Variants in DDX10 observed in about 807,000 individuals in gnomAD.
DDX10 encodes the protein DEAD-box helicase 10, also known as probable ATP-dependent RNA helicase DDX10.
DDX10 carries 74 observed loss-of-function variants against 104.3 expected under a neutral mutation model. That is an observed-to-expected ratio of 0.71 (90% CI 0.59 to 0.86). The LOEUF (loss-of-function observed/expected upper bound fraction) is 0.86, where lower values mean the gene tolerates loss of function less well. Among genes scored for constraint, DDX10 ranks in the 40% least tolerant of loss-of-function variants. DDX10 has a pLI of 0.00. For missense variants in DDX10, 952 were observed against 1,040.0 expected, an observed-to-expected ratio of 0.92 and a Z score of 1.16; for synonymous variants, 351 against 353.4, an observed-to-expected ratio of 0.99 and a Z score of 0.08.
chr11:108,890,690 A>G (rs1863364528), intron 16 of DDX10, among the ~76,000 whole-genome samples: 1 of 152,116 alleles, frequency 6.6e-6, no homozygotes, highest in Non-Finnish European at 1.5e-5. Flanking sequence ...CCTGCCAGAA[A>G]TTTACTTGTT....
At position 108,873,559 on chromosome 11, in the gene DDX10, C is replaced by T. The variant is rs1488767545; in HGVS notation, c.2304+21350C>T. ...GTTCTGCCTGTCCCAAGCAAGAAAC[C>T]TTTTATCCTTCCGAGAACACCTTCT... On this transcript the variant is annotated intron_variant, in intron 16 of 17. Coordinates refer to ENST00000322536, the MANE Select transcript of DDX10 (RefSeq NM_004398.4). 2.0e-5 allele frequency among the ~76,000 whole-genome samples: 3 copies of T among 152,062 alleles called. No homozygotes were observed. The East Asian group carries it at 5.8e-4, about 29-fold the overall frequency.
chr11:108,807,772 T>C (rs1443056603), intron 13 of DDX10, among the ~76,000 whole-genome samples: 2 of 152,048 alleles, frequency 1.3e-5, no homozygotes. Context: ...GTGTAGGTAA[T>C]AGGTGAGGTC....
Position 108,918,003 on chromosome 11 carries a change from T to C in DDX10, c.2435T>C (p.Met812Thr), listed in dbSNP as rs1374891367. The change falls in exon 17 of 18, where the codon ATG (methionine) becomes ACG (threonine). Residue 812 changes from methionine (M) to threonine (T), a missense_variant. This residue lies in a region of DDX10 where 533 missense variants were observed against 534.1 expected (regional missense o/e 1.00). Transcript: ENST00000322536. ...RSSEDSDSED[M>T]ENKISDTKKK... Reference sequence around the variant, plus strand: ...TCTGAAGATTCAGATAGTGAAGATATGGAAAATAAAATAAGGTATGTTTTT... The same window carrying C: ...TCTGAAGATTCAGATAGTGAAGATACGGAAAATAAAATAAGGTATGTTTTT... The C allele has an allele frequency of 1.2e-6, 2 of 1,613,744 alleles. No homozygotes were observed. The highest frequency in any genetic ancestry group is 2.2e-5 in the East Asian group (1 of 44,846).
At chr11:108,916,318 T>G (rs1863749977) in intron 16 of DDX10, among the ~76,000 whole-genome samples, 1 of 152,166 alleles carries the variant, frequency 6.6e-6, no homozygotes, top group African/African-American at 2.4e-5. Flanking sequence ...TTGATTATTT[T>G]CAAGTAAACA....
At chr11:108,842,936 C>G (rs1862661167) in intron 15 of DDX10, among the ~76,000 whole-genome samples, 1 of 152,204 alleles carries the variant, frequency 6.6e-6, no homozygotes, top group Admixed American at 6.5e-5. Flanking sequence ...TCCTTGCCAT[C>G]TCTTTTCTCC....
chr11:108,766,286 G>A (rs992277905), intron 13 of DDX10, among the ~76,000 whole-genome samples: 14 of 152,120 alleles, frequency 9.2e-5, no homozygotes, highest in African/African-American at 3.4e-4. Context: ...CCGCTGTTAC[G>A]TATTCCCAGT....
At chr11:108,850,839 A>C (rs1286676629) in intron 15 of DDX10, among the ~76,000 whole-genome samples, 1 of 152,154 alleles carries the variant, frequency 6.6e-6, no homozygotes, top group Admixed American at 6.5e-5. Flanking sequence ...CAAGTCCATC[A>C]CTTACTATGT....
intron 13 of DDX10, among the ~76,000 whole-genome samples, chr11:108,739,976 C>CT (rs35940578): frequency 0.014 from 1,756 of 127,322 alleles, 14 homozygotes; most frequent in African/African-American, 0.038. Flanking sequence ...GGCTACCCAC[C>CT]TTTTTTTTTT....
chr11:108,792,132 A>G (rs1211983385), intron 13 of DDX10, among the ~76,000 whole-genome samples: 3 of 152,066 alleles, frequency 2.0e-5, no homozygotes, highest in Admixed American at 6.6e-5. Flanking sequence ...TTATCTTTCT[A>G]ATACTTAGTT....
rs545909660 is a variant in DDX10 at position 108,670,524 on chromosome 11, G to C, written c.187-2943G>C. On this transcript the variant is annotated intron_variant, in intron 1 of 17. Transcript: ENST00000322536. ...CCCCGCCATTGACTAGGAGCAGCCC[G>C]GGGGAAGCATGGCTTTTCCATGGTG... Among the ~76,000 whole-genome samples, 6 of 152,292 alleles carry C rather than the reference G, an allele frequency of 3.9e-5. No individual in the cohort carries two copies. In the South Asian group the frequency reaches 6.2e-4, roughly 16 times the overall value.
At chr11:108,838,421 G>C (rs753384628) in intron 13 of DDX10, 25 bp from the exon 14 acceptor site, 3 of 1,595,404 alleles carry the variant, frequency 1.9e-6, no homozygotes, top group South Asian at 2.3e-5. Context: ...CTAATCATCT[G>C]TGTTTTTTGT....
At chr11:108,733,093 C>A (rs2094314205) in intron 13 of DDX10, among the ~76,000 whole-genome samples, 1 of 149,968 alleles carries the variant, frequency 6.7e-6, no homozygotes, top group Non-Finnish European at 1.5e-5. Flanking sequence ...ATCCTGTTTA[C>A]ATTGATTTAG....
At chr11:108,846,248 TTATC>T (rs1862716401) in intron 15 of DDX10, among the ~76,000 whole-genome samples, 1 of 152,206 alleles carries the variant, frequency 6.6e-6, no homozygotes, top group Non-Finnish European at 1.5e-5. Flanking sequence ...CTTCAAATAT[TTATC>T]ATTACTTTGT....
chr11:108,905,074 T>G (rs1863572206), intron 16 of DDX10, among the ~76,000 whole-genome samples: 1 of 152,150 alleles, frequency 6.6e-6, no homozygotes, highest in Non-Finnish European at 1.5e-5. Context: ...CGTGGACTCT[T>G]TGAAAGTTAT....
chr11:108,840,157 T>A (rs1862617347), intron 14 of DDX10, among the ~76,000 whole-genome samples: 1 of 152,180 alleles, frequency 6.6e-6, no homozygotes, highest in Non-Finnish European at 1.5e-5. Flanking sequence ...TTAAAACTGA[T>A]CCCTCGCATT....
At chr11:108,799,828 T>C (rs1361131990) in intron 13 of DDX10, among the ~76,000 whole-genome samples, 4 of 152,144 alleles carry the variant, frequency 2.6e-5, no homozygotes, top group Non-Finnish European at 4.4e-5. Context: ...TGAAACAGAG[T>C]TGATGTTCAG....
chr11:108,883,854 A>G (rs1863259947), intron 16 of DDX10, among the ~76,000 whole-genome samples: 1 of 152,176 alleles, frequency 6.6e-6, no homozygotes, highest in South Asian at 2.1e-4. Flanking sequence ...AGTAAACTTC[A>G]GGATATAAAG....
chr11:108,868,716 T>A lies in DDX10; in HGVS notation c.2304+16507T>A, dbSNP rs1863039900. ...TTTCCTATGCCAATGTTCTCTGATA[T>A]GGGCAACAAAAGTCCTTGAATTTGT... On this transcript the variant is annotated intron_variant, in intron 16 of 17. Transcript: ENST00000322536. Among the ~76,000 whole-genome samples the A allele has an allele frequency of 3.3e-5, 5 of 152,122 alleles. No individual in the cohort carries two copies. The South Asian group carries it at 1.0e-3, about 31-fold the overall frequency.
chr11:108,769,891 TCATAA>T (rs1219138598), intron 13 of DDX10, among the ~76,000 whole-genome samples: 1 of 152,134 alleles, frequency 6.6e-6, no homozygotes, highest in African/African-American at 2.4e-5. Flanking sequence ...AATAATAAAC[TCATAA>T]CATGCTAACA....
Sources: allele counts gnomAD v4.1 joint callset (sites outside exome capture counted in the v4.1 genomes callset), GRCh38; gene constraint gnomAD v4.1.1; regional missense constraint gnomAD v4.1.1; transcripts MANE v1.5; gene names NCBI Gene and HGNC (gene_info 2026-07-23, HGNC 2026-07-21).